SRGAP2C: variants seen among roughly 807,000 people sequenced by gnomAD.
SRGAP2C encodes the protein SLIT-ROBO Rho GTPase activating protein 2C.
Under a neutral mutation model 25.1 loss-of-function variants are expected in SRGAP2C, and 15 were observed. The observed-to-expected ratio is 0.60, with a 90% CI of 0.40 to 0.92. SRGAP2C has a LOEUF of 0.92. Among genes scored for constraint, SRGAP2C ranks in the 40% least tolerant of loss-of-function variants. The pLI is 0.00. For synonymous variants in SRGAP2C, 44 were observed against 96.6 expected (o/e 0.46, Z 3.19); for missense variants, 144 against 264.4 (o/e 0.54, Z 3.16).
chr1:121,271,735 T>C (rs2101548775), intron 2 of SRGAP2C, among the ~76,000 whole-genome samples: 1 of 89,810 alleles, frequency 1.1e-5, no homozygotes, highest in African/African-American at 4.5e-5. Flanking sequence ...GTTGTGTGTG[T>C]ATGTGTGTGT....
At chr1:121,272,691 AC>A (rs1657005135) in intron 2 of SRGAP2C, among the ~76,000 whole-genome samples, 1 of 150,288 alleles carries the variant, frequency 6.7e-6, no homozygotes, top group African/African-American at 2.4e-5. Flanking sequence ...AGCATTAGAA[AC>A]AAATGGATGG....
chr1:121,264,393 G>GAA (rs1656712017), intron 2 of SRGAP2C, among the ~76,000 whole-genome samples: 1 of 123,558 alleles, frequency 8.1e-6, no homozygotes, highest in Non-Finnish European at 1.7e-5. Context: ...CCCACTCTGT[G>GAA]TTCACATTAA....
intron 5 of SRGAP2C, among the ~76,000 whole-genome samples, chr1:121,368,075 C>CA (rs60409686): frequency 0.32 from 14,214 of 44,984 alleles, 1,704 homozygotes; most frequent in East Asian, 0.48. Context: ...GACTCTGTCT[C>CA]AAAAAAAAAA....
chr1:121,308,933 C>A, intron 3 of SRGAP2C, among the ~76,000 whole-genome samples: 1 of 47,044 alleles, frequency 2.1e-5, no homozygotes, highest in Non-Finnish European at 4.1e-5. Context: ...GAGTGAAACT[C>A]TGTCTCAAAA....
chr1:121,347,715 A>G (rs1466569884), intron 4 of SRGAP2C, among the ~76,000 whole-genome samples: 1 of 152,218 alleles, frequency 6.6e-6, no homozygotes, highest in Non-Finnish European at 1.5e-5. Context: ...AGGGCTGTGG[A>G]GAGAAAGGCA....
Position 121,207,681 on chromosome 1 carries a change from C to T in SRGAP2C, c.67+20168C>T, listed in dbSNP as rs1202361096. Among the ~76,000 whole-genome samples, 44 of 152,288 alleles carry T rather than the reference C, an allele frequency of 2.9e-4. 1 individual carries two copies. The highest frequency in any genetic ancestry group is 2.9e-5 in the Non-Finnish European group (2 of 68,032). On this transcript the variant is annotated intron_variant, in intron 2 of 9. Coordinates refer to ENST00000367123, the MANE Select transcript of SRGAP2C (RefSeq NM_001329984.2). ...GTTGAAAGAGGGGATCAGGCTAAAA[C>T]CATTTATAGGAAATTATATTTCAGA...
chr1:121,375,603 T>A (rs1570826255), intron 7 of SRGAP2C, among the ~76,000 whole-genome samples: 2 of 149,992 alleles, frequency 1.3e-5, no homozygotes, highest in South Asian at 2.2e-4. Context: ...CTTCCCAAAG[T>A]GCTAGGATTA....
In SRGAP2C at chr1:121,328,851, T is replaced by C. The variant is rs1468260873; in HGVS notation, c.423+4211T>C. Among the ~76,000 whole-genome samples, 638 of 147,398 alleles carry C rather than the reference T, an allele frequency of 4.3e-3. 2 individuals carry two copies. The highest frequency in any genetic ancestry group is 0.015 in the African/African-American group (613 of 39,588). On this transcript the variant is annotated intron_variant, in intron 4 of 9. Coordinates refer to ENST00000367123, the MANE Select transcript of SRGAP2C (RefSeq NM_001329984.2). ...GCAGTGATCTATAATCATGCCACTG[T>C]ACTCTAGCTTGAGTAACAGAGCCAG...
chr1:121,310,773 C>T lies in SRGAP2C; in HGVS notation c.261-13705C>T, dbSNP rs1364849314. On this transcript the variant is annotated intron_variant, in intron 3 of 9. Transcript: ENST00000367123. ...TATTTCTGAGGGCTCTGTTCTGTTCCATTGATCTATATCTCTTTTGGTACC... is the reference window on the plus strand; with the variant it reads ...TATTTCTGAGGGCTCTGTTCTGTTCTATTGATCTATATCTCTTTTGGTACC... Among the ~76,000 whole-genome samples, 7 of 86,488 alleles carry T rather than the reference C, an allele frequency of 8.1e-5. 3 individuals carry two copies. Among genetic ancestry groups the T allele is most frequent in the African/African-American group, 2.8e-4 (7 of 24,876 alleles). The allele number at this position is 86,488 out of a possible 152,430, so 56.7% of individuals were successfully genotyped here.
chr1:121,270,941 C>T (rs1383396339), intron 2 of SRGAP2C, among the ~76,000 whole-genome samples: 18 of 150,836 alleles, frequency 1.2e-4, no homozygotes, highest in South Asian at 4.2e-4. Context: ...TACAGGCGCC[C>T]GCCACCACGC....
intron 2 of SRGAP2C, among the ~76,000 whole-genome samples, chr1:121,266,493 TA>T (rs1357329467): frequency 6.6e-6 from 1 of 151,634 alleles, no homozygotes; most frequent in African/African-American, 2.4e-5. Flanking sequence ...TGCCCAATTA[TA>T]AAGGGATAAT....
At chr1:121,340,798 A>G (rs1169679498) in intron 4 of SRGAP2C, among the ~76,000 whole-genome samples, 7 of 149,452 alleles carry the variant, frequency 4.7e-5, no homozygotes, top group African/African-American at 1.7e-4. Flanking sequence ...GGATTTCCAT[A>G]TTATCTGATT....
intron 3 of SRGAP2C, among the ~76,000 whole-genome samples, chr1:121,308,638 C>T (rs1282943735): frequency 3.3e-5 from 5 of 151,866 alleles, no homozygotes; most frequent in Non-Finnish European, 5.9e-5. Context: ...AAGACCCCAT[C>T]TCTGCAAAAA....
intron 2 of SRGAP2C, among the ~76,000 whole-genome samples, chr1:121,271,458 T>A (rs1290563602): frequency 6.6e-6 from 1 of 151,796 alleles, no homozygotes; most frequent in Non-Finnish European, 1.5e-5. Context: ...GGATACGGAA[T>A]GTACAGTTTC....
chr1:121,377,263 C>CTTTTTTT (rs57457251), intron 7 of SRGAP2C, among the ~76,000 whole-genome samples: 43 of 50,414 alleles, frequency 8.5e-4, no homozygotes, highest in Middle Eastern at 0.011. Flanking sequence ...TCTCATGTTT[C>CTTTTTTT]TTTTTTTTTT....
intron 2 of SRGAP2C, among the ~76,000 whole-genome samples, chr1:121,272,852 G>T (rs1171743530): frequency 6.6e-6 from 1 of 151,696 alleles, no homozygotes; most frequent in Admixed American, 6.6e-5. Context: ...AGGAATCGTG[G>T]TTGCCTTTTA....
chr1:121,268,012 C>T lies in SRGAP2C; in HGVS notation c.68-16791C>T, dbSNP rs587635407. On this transcript the variant is annotated intron_variant, in intron 2 of 9. Transcript: ENST00000367123. Reference sequence around the variant, plus strand: ...CTCTTGATTCATTCATTCAATGTGCCTTTATTGAGTGCTTACTCTATGTGA... The same window carrying T: ...CTCTTGATTCATTCATTCAATGTGCTTTTATTGAGTGCTTACTCTATGTGA... Among the ~76,000 whole-genome samples, 128 of 147,928 alleles carry T rather than the reference C, an allele frequency of 8.7e-4. 4 individuals carry two copies. The highest frequency in any genetic ancestry group is 7.9e-3 in the Admixed American group (116 of 14,752).
chr1:121,347,284 G>T (rs1353974566), intron 4 of SRGAP2C, among the ~76,000 whole-genome samples: 2 of 103,124 alleles, frequency 1.9e-5, no homozygotes, highest in Admixed American at 1.1e-4. Context: ...GGAGAGTGCA[G>T]ACTAGGAGAA....
Position 121,283,851 on chromosome 1 carries a change from C to CA in SRGAP2C, c.68-949dup, listed in dbSNP as rs1278894795. Among the ~76,000 whole-genome samples, 484 of 151,432 alleles carry CA rather than the reference C, an allele frequency of 3.2e-3. 11 individuals carry two copies. Among genetic ancestry groups the CA allele is most frequent in the East Asian group, 0.027 (140 of 5,120 alleles). ...TGAGTGCCAGGTCTCTTGTCAGTAACAAATGCAGTGCTGCATTTGAGGCAA... is the reference window on the plus strand; with the variant it reads ...TGAGTGCCAGGTCTCTTGTCAGTAACAAAATGCAGTGCTGCATTTGAGGCAA... On this transcript the variant is annotated intron_variant, in intron 2 of 9. Transcript: ENST00000367123.
Sources: gnomAD v4.1 joint callset for allele counts (sites outside exome capture counted in the v4.1 genomes callset) on GRCh38, gnomAD v4.1.1 for gene constraint, MANE v1.5 for transcripts, NCBI Gene and HGNC (gene_info 2026-07-23, HGNC 2026-07-21) for gene names.